ZC3H7B: variants seen among roughly 807,000 people sequenced by gnomAD.
ZC3H7B encodes the protein zinc finger CCCH domain-containing protein 7B.
A neutral mutation model predicts 116.0 loss-of-function variants in ZC3H7B; 35 were observed. The ratio of observed to expected loss-of-function variants is 0.30; its 90% CI spans 0.23 to 0.40. ZC3H7B has a LOEUF of 0.40. ZC3H7B is among the 10% of genes least tolerant of loss of function. The pLI is 1.00. For synonymous variants in ZC3H7B, 502 were observed against 545.6 expected (o/e 0.92, Z 1.11); for missense variants, 1,011 against 1,321.5 (o/e 0.77, Z 3.64).
chr22:41,319,040 G>A (rs2036219412), intron 1 of ZC3H7B, among the ~76,000 whole-genome samples: 1 of 152,140 alleles, frequency 6.6e-6, no homozygotes, highest in Non-Finnish European at 1.5e-5. Flanking sequence ...AGGCTGAGAT[G>A]GGTGGATCAC....
intron 11 of ZC3H7B, among the ~76,000 whole-genome samples, chr22:41,341,479 C>T (rs2036521868): frequency 6.6e-6 from 1 of 152,208 alleles, no homozygotes; most frequent in African/African-American, 2.4e-5. Context: ...CGCGGTGGCT[C>T]ATGCCTGTAA....
chr22:41,316,540 C>T (rs947890012), intron 1 of ZC3H7B, among the ~76,000 whole-genome samples: 8 of 150,968 alleles, frequency 5.3e-5, no homozygotes, highest in Admixed American at 4.0e-4. Flanking sequence ...AGGTGATCCA[C>T]GCACCTTGGC....
In ZC3H7B at chr22:41,349,397, C is replaced by A; in HGVS notation, c.1948+96C>A. On this transcript the variant is annotated intron_variant, in intron 16 of 22. Coordinates refer to ENST00000352645, the MANE Select transcript of ZC3H7B (RefSeq NM_017590.6). This position sits in a 1 kb window ranked among gnomAD's most constrained non-coding sequence, Gnocchi z 4.9. ...CGCAGGACTGACTGGGGTGACAGGC[C>A]AGGGCCCCATGGTCGCTGGAGGGGG... is the stretch of plus-strand genomic sequence containing the variant. The A allele has an allele frequency of 6.6e-7, 1 of 1,512,094 alleles. No homozygotes were observed. Among genetic ancestry groups the A allele is most frequent in the Non-Finnish European group, 8.9e-7 (1 of 1,119,412 alleles). 93.7% of individuals were successfully genotyped at this position (1,512,094 alleles called of 1,614,324 possible). A position where few individuals can be genotyped will look rare whatever the true frequency, so the allele number is the denominator to read the frequency against.
At position 41,355,504 on chromosome 22, in the gene ZC3H7B, C is replaced by T. The variant is rs1397067189; in HGVS notation, c.2070C>T (p.Asp690=). Residue 690 remains aspartate (D), a synonymous_variant, in exon 18 of 23, where the codon GAC becomes GAT. Coordinates refer to ENST00000352645, the MANE Select transcript of ZC3H7B (RefSeq NM_017590.6). ...GGACACATGGGCCCAGCACCTTTGA[C>T]CTGCAGATGAAGTTTGTATGTGGCC... ...APRTHGPSTF[D]LQMKFVCGQC... is the part of the protein sequence containing the mutation. 6.2e-7 allele frequency: 1 copy of T among 1,614,180 alleles called. No individual in the cohort carries two copies. Among genetic ancestry groups the T allele is most frequent in the East Asian group, 2.2e-5 (1 of 44,886 alleles).
At chr22:41,353,879 C>A (rs756660195) in intron 17 of ZC3H7B, among the ~76,000 whole-genome samples, 6 of 152,228 alleles carry the variant, frequency 3.9e-5, no homozygotes, top group Non-Finnish European at 8.8e-5. Flanking sequence ...CCATCTGTTT[C>A]TTTTTCCTTC....
intron 7 of ZC3H7B, 88 bp downstream of exon 7, chr22:41,332,315 AGTGG>A (rs1309338734): frequency 6.5e-7 from 1 of 1,535,554 alleles, no homozygotes; most frequent in Non-Finnish European, 9.0e-7. Flanking sequence ...GACCTCAGGC[AGTGG>A]GTCCAGGGGC....
At chr22:41,320,566 G>A in intron 1 of ZC3H7B, 89 bp from the exon 2 acceptor site, 1 of 1,436,300 alleles carries the variant, frequency 7.0e-7, no homozygotes, top group Non-Finnish European at 9.8e-7. Flanking sequence ...GGGAGTGAGA[G>A]CACCCAATCA....
At chr22:41,324,590 C>T (rs531822909) in intron 2 of ZC3H7B, among the ~76,000 whole-genome samples, 61 of 152,358 alleles carry the variant, frequency 4.0e-4, no homozygotes, top group African/African-American at 1.4e-3. Context: ...AACCTCAGTT[C>T]TCCTGGGCTG....
chr22:41,325,446 C>T, intron 2 of ZC3H7B, 118 bp from the exon 3 acceptor site: 1 of 1,360,440 alleles, frequency 7.4e-7, no homozygotes, highest in Middle Eastern at 2.2e-4. Flanking sequence ...AAACCGCAGT[C>T]TGTTCACCCT....
chr22:41,342,640 C>A lies in ZC3H7B; in HGVS notation c.1297+12C>A, dbSNP rs1021383135. Reference sequence around the variant, plus strand: ...CTACCCCAAGACAGGTAAACTTTCACCTGTAGACTCCACCCCTCTGCCCAG... The same window carrying A: ...CTACCCCAAGACAGGTAAACTTTCAACTGTAGACTCCACCCCTCTGCCCAG... On this transcript the variant is annotated intron_variant, in intron 12 of 22. Coordinates refer to ENST00000352645, the MANE Select transcript of ZC3H7B (RefSeq NM_017590.6). 1.9e-6 allele frequency: 3 copies of A among 1,605,378 alleles called. No homozygotes were observed. The highest frequency in any genetic ancestry group is 2.7e-5 in the African/African-American group (2 of 74,786).
chr22:41,320,989 A>C (rs2036248731), intron 2 of ZC3H7B, among the ~76,000 whole-genome samples: 1 of 152,062 alleles, frequency 6.6e-6, no homozygotes, highest in Non-Finnish European at 1.5e-5. Flanking sequence ...CTCCCTGTTA[A>C]TTCTCTTGCA....
At chr22:41,339,716 C>A in intron 9 of ZC3H7B, 100 bp from the exon 10 acceptor site, 2 of 1,139,574 alleles carry the variant, frequency 1.8e-6, no homozygotes, top group Non-Finnish European at 2.5e-6. Flanking sequence ...TGAAGCCAGG[C>A]GACAGGGTGC....
intron 1 of ZC3H7B, among the ~76,000 whole-genome samples, chr22:41,306,205 T>G (rs918277817): frequency 2.0e-5 from 3 of 152,120 alleles, no homozygotes; most frequent in Non-Finnish European, 4.4e-5. Flanking sequence ...AAAGGAGCCC[T>G]GAGATTTGAT....
intron 1 of ZC3H7B, among the ~76,000 whole-genome samples, chr22:41,318,459 G>A (rs2036211345): frequency 6.6e-6 from 1 of 150,976 alleles, no homozygotes; most frequent in Non-Finnish European, 1.5e-5. Flanking sequence ...AACCTGGGAG[G>A]CGGAGCGTGC....
chr22:41,321,066 C>T (rs2036250171), intron 2 of ZC3H7B, among the ~76,000 whole-genome samples: 1 of 152,128 alleles, frequency 6.6e-6, no homozygotes. Flanking sequence ...GTGCTGGGAC[C>T]TTCACATCTG....
At chr22:41,317,701 T>C (rs184443052) in intron 1 of ZC3H7B, among the ~76,000 whole-genome samples, 1 of 152,160 alleles carries the variant, frequency 6.6e-6, no homozygotes, top group East Asian at 1.9e-4. Context: ...GGAAGATCAG[T>C]TGAGCCCAGG....
In ZC3H7B at chr22:41,346,238, T is replaced by C. The variant is rs2036583969; in HGVS notation, c.1665+30T>C. On this transcript the variant is annotated intron_variant, in intron 14 of 22. Transcript: ENST00000352645. The surrounding 1 kb of genome is among the most constrained non-coding windows in gnomAD (Gnocchi z 5.3). ...TGCCCACCCACCCACTGCCACCCCA[T>C]AGGCCATGGCACAGACAGGGCTGGG... The C allele has an allele frequency of 1.3e-6, 2 of 1,587,278 alleles. No individual in the cohort carries two copies. The highest frequency in any genetic ancestry group is 2.2e-5 in the South Asian group (2 of 90,450).
chr22:41,330,251 T>C, intron 6 of ZC3H7B, 148 bp downstream of exon 6: 4 of 777,086 alleles, frequency 5.1e-6, no homozygotes, highest in Non-Finnish European at 8.0e-6. Context: ...CCTTGTCTGT[T>C]GGCTGAAAGC....
intron 2 of ZC3H7B, among the ~76,000 whole-genome samples, chr22:41,322,958 T>C (rs1011383769): frequency 6.6e-6 from 1 of 152,204 alleles, no homozygotes; most frequent in Non-Finnish European, 1.5e-5. Context: ...CTCACCCATG[T>C]CACCGCAGAC....
Sources: allele counts gnomAD v4.1 joint callset (sites outside exome capture counted in the v4.1 genomes callset), GRCh38; gene constraint gnomAD v4.1.1; non-coding constraint Gnocchi (gnomAD v3.1); transcripts MANE v1.5; gene names NCBI Gene and HGNC (gene_info 2026-07-23, HGNC 2026-07-21).